Variants in GPHN observed in about 807,000 individuals in gnomAD.
The protein encoded by GPHN is gephyrin.
GPHN carries 17 observed loss-of-function variants against 95.5 expected under a neutral mutation model. The observed-to-expected ratio is 0.18, with a 90% CI of 0.12 to 0.27. GPHN has a LOEUF of 0.27. Among genes scored for constraint, GPHN ranks in the 10% least tolerant of loss-of-function variants. The pLI, the probability that GPHN is intolerant of heterozygous loss-of-function variation, is 1.00. For synonymous variants in GPHN, 320 were observed against 322.5 expected, an observed-to-expected ratio of 0.99 and a Z score of 0.08; for missense variants, 660 against 978.1, an observed-to-expected ratio of 0.67 and a Z score of 4.34.
chr14:66,961,025 G>A (rs1243011376), intron 8 of GPHN, among the ~76,000 whole-genome samples: 1 of 152,054 alleles, frequency 6.6e-6, no homozygotes, highest in Non-Finnish European at 1.5e-5. Flanking sequence ...GGAATATTCT[G>A]AGTTAAGTGA....
chr14:67,101,426 ACC>A (rs1271326977), intron 13 of GPHN, among the ~76,000 whole-genome samples: 1 of 152,038 alleles, frequency 6.6e-6, no homozygotes, highest in African/African-American at 2.4e-5. Context: ...ACACTTTGAG[ACC>A]AGTAATTGGC....
At chr14:67,266,166 A>G in the GPHN span, among the ~76,000 whole-genome samples, 2 of 152,178 alleles carry the variant, frequency 1.3e-5, no homozygotes, top group African/African-American at 2.4e-5. Flanking sequence ...CTTTGAATAT[A>G]TGTTTAAAAT....
At chr14:66,518,328 CAAAG>C (rs960989775) in intron 1 of GPHN, among the ~76,000 whole-genome samples, 9 of 152,074 alleles carry the variant, frequency 5.9e-5, no homozygotes, top group Admixed American at 2.0e-4. Context: ...ATCAAAAAGA[CAAAG>C]AATGACAAAT....
At chr14:66,927,603 T>C (rs1455976522) in intron 8 of GPHN, among the ~76,000 whole-genome samples, 1 of 152,174 alleles carries the variant, frequency 6.6e-6, no homozygotes, top group East Asian at 1.9e-4. Context: ...AAAGTGAGCA[T>C]CTTTGTCATG....
the GPHN span, among the ~76,000 whole-genome samples, chr14:67,188,562 T>G: frequency 1.3e-5 from 2 of 152,172 alleles, no homozygotes; most frequent in Non-Finnish European, 2.9e-5. Context: ...GAAATCTTAC[T>G]CAGTGGGACT....
chr14:67,390,636 C>G, the GPHN span: 1 of 1,520,210 alleles, frequency 6.6e-7, no homozygotes, highest in African/African-American at 1.4e-5. Context: ...AACATGGGAC[C>G]AACATGGAGC....
At chr14:66,646,242 C>T (rs187435034) in intron 1 of GPHN, among the ~76,000 whole-genome samples, 2 of 152,164 alleles carry the variant, frequency 1.3e-5, no homozygotes, top group African/African-American at 4.8e-5. Context: ...CAAATCAAAA[C>T]CACAGTGAGA....
intron 1 of GPHN, among the ~76,000 whole-genome samples, chr14:66,669,942 C>A (rs1263894712): frequency 6.6e-6 from 1 of 152,154 alleles, no homozygotes. Flanking sequence ...TTGGTCTTAG[C>A]ACCTGTCATT....
At chr14:67,444,873 C>T in the GPHN span, among the ~76,000 whole-genome samples, 1 of 152,168 alleles carries the variant, frequency 6.6e-6, no homozygotes, top group Admixed American at 6.5e-5. Context: ...GATTCTCCTG[C>T]CTCAGCCTCC....
At chr14:67,571,480 GC>G in the GPHN span, 1 of 381,368 alleles carries the variant, frequency 2.6e-6, no homozygotes, top group African/African-American at 2.0e-5. Context: ...GTGGCAAGGA[GC>G]GAGGGTCACA....
intron 1 of GPHN, among the ~76,000 whole-genome samples, chr14:66,521,375 A>G (rs2058478662): frequency 6.6e-6 from 1 of 152,126 alleles, no homozygotes; most frequent in Non-Finnish European, 1.5e-5. Context: ...TTGATTGGCC[A>G]GGTCTGTATC....
the GPHN span, chr14:67,575,531 C>A: frequency 1.9e-6 from 2 of 1,072,186 alleles, no homozygotes; most frequent in Admixed American, 2.0e-5. Context: ...CACATGACTG[C>A]CACTCTATGT....
chr14:67,699,683 T>A, the GPHN span, among the ~76,000 whole-genome samples: 21 of 151,532 alleles, frequency 1.4e-4, no homozygotes, highest in Non-Finnish European at 2.2e-4. Context: ...CTTTTTTTTT[T>A]AAAGTGATCA....
the GPHN span, among the ~76,000 whole-genome samples, chr14:67,286,855 CAAAAAAA>C: frequency 7.4e-5 from 5 of 67,212 alleles, no homozygotes; most frequent in Admixed American, 3.1e-4. Context: ...GACCTGGTCT[CAAAAAAA>C]AAAAAAAAAA....
At chr14:67,365,130 TTACA>T in the GPHN span, 1 of 1,081,400 alleles carries the variant, frequency 9.2e-7, no homozygotes. Context: ...CTTAAACCTT[TTACA>T]TACAAAGTTG....
chr14:67,648,177 A>G, the GPHN span: 1 of 1,613,642 alleles, frequency 6.2e-7, no homozygotes, highest in East Asian at 2.2e-5. Context: ...GGAAATACAC[A>G]ATACAGGTAT....
the GPHN span, among the ~76,000 whole-genome samples, chr14:67,466,800 C>T: frequency 1.3e-5 from 2 of 152,042 alleles, no homozygotes; most frequent in African/African-American, 4.8e-5. Context: ...CAAGACTAGC[C>T]TGGCCAACAT....
At chr14:66,961,506 T>C (rs1470331402) in intron 8 of GPHN, among the ~76,000 whole-genome samples, 1 of 151,708 alleles carries the variant, frequency 6.6e-6, no homozygotes, top group East Asian at 1.9e-4. Flanking sequence ...ATATTCACAC[T>C]AGATACAACT....
chr14:66,931,614 T>C (rs1350140439), intron 8 of GPHN, among the ~76,000 whole-genome samples: 1 of 152,220 alleles, frequency 6.6e-6, no homozygotes, highest in African/African-American at 2.4e-5. Context: ...GCTTACTAAT[T>C]TTTTTCTGCT....
Sources: allele counts gnomAD v4.1 joint callset (sites outside exome capture counted in the v4.1 genomes callset), GRCh38; gene constraint gnomAD v4.1.1; transcripts MANE v1.5; gene names NCBI Gene and HGNC (gene_info 2026-07-23, HGNC 2026-07-21).